ARID4B: variants seen among roughly 807,000 people sequenced by gnomAD.
ARID4B encodes the protein AT-rich interactive domain-containing protein 4B.
A neutral mutation model predicts 147.5 loss-of-function variants in ARID4B; 26 were observed. That is an observed-to-expected ratio of 0.18 (90% CI 0.13 to 0.24). ARID4B has a LOEUF of 0.24. Among genes scored for constraint, ARID4B ranks in the 10% least tolerant of loss-of-function variants. ARID4B has a pLI of 1.00. For synonymous variants in ARID4B, 512 were observed against 507.9 expected, an observed-to-expected ratio of 1.01 and a Z score of -0.11; for missense variants, 1,179 against 1,511.5, an observed-to-expected ratio of 0.78 and a Z score of 3.65.
chr1:235,202,389 A>G (rs1195360272), intron 17 of ARID4B, among the ~76,000 whole-genome samples: 1 of 151,730 alleles, frequency 6.6e-6, no homozygotes, highest in African/African-American at 2.4e-5. Context: ...ACTAAGGAAA[A>G]TATTTCCAAG....
In ARID4B at chr1:235,255,676, C is replaced by T. The variant is rs147640989; in HGVS notation, c.258G>A (p.Ala86=). Residue 86 remains alanine (A), a synonymous_variant, in exon 5 of 24, where the codon GCG becomes GCA. Coordinates refer to ENST00000264183, the MANE Select transcript of ARID4B (RefSeq NM_016374.6). ...TTTTCTTACCTACAGTGTACCAACT[C>T]GCATCTGTTAGTTTATTGATAACAG... ...QEAVINKLTD[A]SWYTVVFDDG... 8.1e-5 allele frequency: 131 copies of T among 1,608,542 alleles called. No individual in the cohort carries two copies. The African/African-American group carries it at 1.5e-3, about 18-fold the overall frequency.
intron 8 of ARID4B, among the ~76,000 whole-genome samples, 176 bp from the exon 9 acceptor site, chr1:235,234,668 A>G (rs1668450475): frequency 6.6e-6 from 1 of 152,236 alleles, no homozygotes; most frequent in Non-Finnish European, 1.5e-5. Context: ...TTAAATTGGC[A>G]TCCTACATCC....
chr1:235,276,047 A>C (rs2103160642), intron 2 of ARID4B, among the ~76,000 whole-genome samples: 1 of 152,292 alleles, frequency 6.6e-6, no homozygotes, highest in Middle Eastern at 3.4e-3. Flanking sequence ...CTGAGGCAGA[A>C]GGATCACTTG....
chr1:235,199,472 A>T (rs1386032548), intron 17 of ARID4B, among the ~76,000 whole-genome samples: 1 of 152,234 alleles, frequency 6.6e-6, no homozygotes, highest in Non-Finnish European at 1.5e-5. Context: ...TTAAAAATTT[A>T]TCAGGGCCTT....
At position 235,223,181 on chromosome 1, in the gene ARID4B, A is replaced by G; in HGVS notation, c.1050T>C (p.Leu350=). ...CAACACTCACATTATCAAATCCTCCAAGTTTGTGTACAAGTCTGAATAACT... is the reference window on the plus strand; with the variant it reads ...CAACACTCACATTATCAAATCCTCCGAGTTTGTGTACAAGTCTGAATAACT... ...LFKLFRLVHK[L]GGFDNIESGA... The change falls in exon 13 of 24, where the codon CTT becomes CTC. Residue 350 remains leucine (L), a synonymous_variant. Coordinates refer to ENST00000264183, the MANE Select transcript of ARID4B (RefSeq NM_016374.6). 6.3e-7 allele frequency: 1 copy of G among 1,575,154 alleles called. No individual in the cohort carries two copies. The highest frequency in any genetic ancestry group is 8.6e-7 in the Non-Finnish European group (1 of 1,156,492).
At chr1:235,186,701 C>T (rs940287975) in intron 19 of ARID4B, among the ~76,000 whole-genome samples, 1 of 151,476 alleles carries the variant, frequency 6.6e-6, no homozygotes, top group Non-Finnish European at 1.5e-5. Context: ...CTGTGCCCAG[C>T]TCTACTGAAT....
chr1:235,301,896 G>C (rs1178439379), intron 2 of ARID4B, among the ~76,000 whole-genome samples: 2 of 151,588 alleles, frequency 1.3e-5, no homozygotes, highest in South Asian at 2.1e-4. Context: ...TGTGTTTTTA[G>C]TAGAGAGGGG....
At position 235,221,706 on chromosome 1, in the gene ARID4B, T is replaced by C. The variant is rs768078432; in HGVS notation, c.1066-44A>G. On this transcript the variant is annotated intron_variant, in intron 13 of 23. Transcript: ENST00000264183. Reference sequence around the variant, plus strand: ...CAAAAACTCTCAAATTAAAAGGTGTTAATATAATAACATTTTGATAGACAC... The same window carrying C: ...CAAAAACTCTCAAATTAAAAGGTGTCAATATAATAACATTTTGATAGACAC... 1.1e-5 allele frequency: 12 copies of C among 1,080,160 alleles called. No homozygotes were observed. In the South Asian group the frequency reaches 1.4e-4, roughly 13 times the overall value. 66.9% of individuals were successfully genotyped at this position (1,080,160 alleles called of 1,614,324 possible). A position where few individuals can be genotyped will look rare whatever the true frequency, so the allele number is the denominator to read the frequency against.
At chr1:235,267,255 T>A (rs564309838) in intron 2 of ARID4B, among the ~76,000 whole-genome samples, 2 of 151,234 alleles carry the variant, frequency 1.3e-5, no homozygotes, top group East Asian at 4.0e-4. Flanking sequence ...TCCAGCCGGG[T>A]TGACAGAGCA....
intron 2 of ARID4B, among the ~76,000 whole-genome samples, chr1:235,311,081 T>C (rs1674015225): frequency 6.6e-6 from 1 of 152,138 alleles, no homozygotes; most frequent in Non-Finnish European, 1.5e-5. Flanking sequence ...TCCTCATAGA[T>C]TACCTTTTAG....
At chr1:235,264,512 C>A (rs890658178) in intron 2 of ARID4B, among the ~76,000 whole-genome samples, 1 of 152,120 alleles carries the variant, frequency 6.6e-6, no homozygotes, top group African/African-American at 2.4e-5. Context: ...AGGTCCTAAT[C>A]CAAGCTCTAC....
At chr1:235,179,341 C>A (rs1386870270) in intron 20 of ARID4B, among the ~76,000 whole-genome samples, 1 of 151,412 alleles carries the variant, frequency 6.6e-6, no homozygotes, top group African/African-American at 2.4e-5. Flanking sequence ...CGTAGACCAG[C>A]CTGGCCAACA....
intron 2 of ARID4B, among the ~76,000 whole-genome samples, chr1:235,294,363 A>C (rs1278893679): frequency 8.2e-6 from 1 of 122,324 alleles, no homozygotes; most frequent in African/African-American, 3.2e-5. Context: ...CCCAGGCTGG[A>C]GTGCAGAGGT....
At position 235,192,966 on chromosome 1, in the gene ARID4B, G is replaced by A. The variant is rs149961342; in HGVS notation, c.2125+1047C>T. Among the ~76,000 whole-genome samples, 432 of 152,230 alleles carry A rather than the reference G, an allele frequency of 2.8e-3. 6 individuals are homozygous for A. The highest frequency in any genetic ancestry group is 0.026 in the Admixed American group (393 of 15,292). On this transcript the variant is annotated intron_variant, in intron 19 of 23. Coordinates refer to ENST00000264183, the MANE Select transcript of ARID4B (RefSeq NM_016374.6). ...AAATTAGCCAGGCGCAGTGGCGGGC[G>A]CCTGTAGTCCCAGCTACTCAGGAAG...
chr1:235,251,219 TAAA>T (rs71172281), intron 6 of ARID4B, among the ~76,000 whole-genome samples: 16 of 141,020 alleles, frequency 1.1e-4, no homozygotes, highest in East Asian at 2.0e-4. Context: ...TGAGAAAAGT[TAAA>T]AAAAAAAAAA....
chr1:235,314,438 C>T (rs889671905), intron 2 of ARID4B, among the ~76,000 whole-genome samples: 16 of 152,272 alleles, frequency 1.1e-4, no homozygotes, highest in African/African-American at 3.8e-4. Flanking sequence ...AAAACAGTAA[C>T]TTTACCCAAA....
chr1:235,186,414 T>A lies in ARID4B; in HGVS notation c.2126-3621A>T, dbSNP rs571499823. ...TAATGCTCTACTGAATTTGCTTATT[T>A]TTTTTTTTTTTTAAGAGACAGAGTC... On this transcript the variant is annotated intron_variant, in intron 19 of 23. Coordinates refer to ENST00000264183, the MANE Select transcript of ARID4B (RefSeq NM_016374.6). Among the ~76,000 whole-genome samples the A allele has an allele frequency of 3.4e-4, 52 of 150,786 alleles. 1 individual carries two copies. The highest frequency in any genetic ancestry group is 6.6e-4 in the Admixed American group (10 of 15,168).
chr1:235,320,931 C>T (rs1674769857), intron 2 of ARID4B, among the ~76,000 whole-genome samples: 1 of 152,212 alleles, frequency 6.6e-6, no homozygotes, highest in Non-Finnish European at 1.5e-5. Context: ...CTCTGTCACT[C>T]TAACCTCTTA....
intron 23 of ARID4B, among the ~76,000 whole-genome samples, chr1:235,172,160 G>C (rs934410174): frequency 8.5e-5 from 13 of 152,196 alleles, no homozygotes; most frequent in African/African-American, 3.1e-4. Context: ...TTTTTTATTT[G>C]AGATAATTTC....
Sources: allele counts gnomAD v4.1 joint callset (sites outside exome capture counted in the v4.1 genomes callset), GRCh38; gene constraint gnomAD v4.1.1; transcripts MANE v1.5; gene names NCBI Gene and HGNC (gene_info 2026-07-23, HGNC 2026-07-21).